The following TIAM1 variants were observed in gnomAD, a reference collection of about 807,000 sequenced individuals.
TIAM1 encodes rho guanine nucleotide exchange factor TIAM1.
In TIAM1, 65 loss-of-function variants were observed where a neutral mutation model predicts 163.5. That is an observed-to-expected ratio of 0.40 (90% confidence interval 0.33 to 0.49). The LOEUF (loss-of-function observed/expected upper bound fraction) is 0.49. TIAM1 is among the 20% of genes least tolerant of loss of function. The pLI is 0.77. For synonymous variants in TIAM1, 833 were observed against 810.1 expected, an observed-to-expected ratio of 1.03 and a Z score of -0.48; for missense variants, 1,789 against 2,044.7, an observed-to-expected ratio of 0.87 and a Z score of 2.41.
At chr21:31,296,470 C>A (rs989662118) in intron 2 of TIAM1, among the ~76,000 whole-genome samples, 1 of 152,100 alleles carries the variant, frequency 6.6e-6, no homozygotes, top group Non-Finnish European at 1.5e-5. Flanking sequence ...GCAGAAATGA[C>A]AAAATACATA....
intron 20 of TIAM1, among the ~76,000 whole-genome samples, chr21:31,143,813 A>G (rs1017215246): frequency 6.7e-6 from 1 of 150,138 alleles, no homozygotes; most frequent in African/African-American, 2.5e-5. Context: ...TGCAACCTCT[A>G]CCTCCCGAGT....
intron 23 of TIAM1, among the ~76,000 whole-genome samples, chr21:31,133,887 G>A (rs1423287938): frequency 6.6e-6 from 1 of 152,150 alleles, no homozygotes; most frequent in Non-Finnish European, 1.5e-5. Context: ...GGCCAACATG[G>A]TGAAACTCCA....
chr21:31,313,075 T>C (rs1175721741), intron 2 of TIAM1, among the ~76,000 whole-genome samples: 1 of 152,206 alleles, frequency 6.6e-6, no homozygotes, highest in Non-Finnish European at 1.5e-5. Flanking sequence ...GTGTCCAATA[T>C]ATTATTTAAT....
intron 2 of TIAM1, among the ~76,000 whole-genome samples, chr21:31,359,332 G>A (rs1447008070): frequency 6.6e-6 from 1 of 152,090 alleles, no homozygotes; most frequent in African/African-American, 2.4e-5. Flanking sequence ...GATCACCAAA[G>A]TATCCCAAGT....
At chr21:31,394,724 TCTCTCA>T (rs1349667306) in intron 2 of TIAM1, among the ~76,000 whole-genome samples, 26 of 128,916 alleles carry the variant, frequency 2.0e-4, no homozygotes, top group Non-Finnish European at 3.4e-4. Flanking sequence ...TCTCTCTCTC[TCTCTCA>T]CACACACACA....
intron 2 of TIAM1, among the ~76,000 whole-genome samples, chr21:31,388,137 A>C (rs1306229316): frequency 6.6e-6 from 1 of 151,790 alleles, no homozygotes; most frequent in African/African-American, 2.4e-5. Context: ...CTGCAAAACA[A>C]CGAGCCAATT....
rs999787213 is a variant in TIAM1, at chr21:31,378,113, G to T, written c.-368-38691C>A. ...GTCATGCCATTGCACTCCAGCCTGG[G>T]TAACAAGAGCGAAACTCTGTCTCAA... On this transcript the variant is annotated intron_variant, in intron 2 of 28. Transcript: ENST00000286827. Among the ~76,000 whole-genome samples, 7 of 134,474 alleles carry T rather than the reference G, an allele frequency of 5.2e-5. No homozygotes were observed. The South Asian group carries it at 9.8e-4, about 19-fold the overall frequency. The allele number at this position is 134,474 out of a possible 152,430, so 88.2% of individuals were successfully genotyped here.
intron 1 of TIAM1, among the ~76,000 whole-genome samples, chr21:31,529,134 T>C (rs1380509115): frequency 6.6e-6 from 1 of 151,838 alleles, no homozygotes; most frequent in Non-Finnish European, 1.5e-5. Flanking sequence ...TTAGCCAGGA[T>C]GGTCTCGATC....
In TIAM1 at chr21:31,212,685, T is replaced by G. The variant is rs1176245817; in HGVS notation, c.2217+713A>C. 3.4e-5 allele frequency: 5 copies of G among 145,410 alleles called. No homozygotes were observed. The Admixed American group carries it at 3.6e-4, about 11-fold the overall frequency. 9.0% of individuals were successfully genotyped at this position (145,410 alleles called of 1,614,324 possible). A position where few individuals can be genotyped will look rare whatever the true frequency, so the allele number is the denominator to read the frequency against. On this transcript the variant is annotated intron_variant, in intron 10 of 27. Coordinates refer to ENST00000541036, the MANE Select transcript of TIAM1 (RefSeq NM_001353694.2). ...TGGAGTGCAGTGGCTCCATCTCTGC[T>G]CACTGCAAGCTCCGCATCCTGGGTT...
At chr21:31,384,401 C>CAA (rs5843516) in intron 2 of TIAM1, among the ~76,000 whole-genome samples, 47,037 of 107,568 alleles carry the variant, frequency 0.44, 9,686 homozygotes, top group Middle Eastern at 0.54. Context: ...CCCATCTCTA[C>CAA]AAAAAAAAAA....
chr21:31,176,513 T>C (rs543097595), intron 15 of TIAM1, among the ~76,000 whole-genome samples: 1 of 152,158 alleles, frequency 6.6e-6, no homozygotes, highest in Non-Finnish European at 1.5e-5. Context: ...AACTGAGTCT[T>C]ACAGAGAACA....
intron 2 of TIAM1, among the ~76,000 whole-genome samples, chr21:31,394,326 G>A (rs2077015317): frequency 6.6e-6 from 1 of 152,172 alleles, no homozygotes; most frequent in South Asian, 2.1e-4. Flanking sequence ...AGTAACAAGA[G>A]CAGTGGCTGC....
chr21:31,210,034 C>T lies in TIAM1; in HGVS notation c.2388+11G>A. The T allele has an allele frequency of 6.2e-7, 1 of 1,609,066 alleles. No homozygotes were observed. Among genetic ancestry groups the T allele is most frequent in the Non-Finnish European group, 8.5e-7 (1 of 1,177,942 alleles). On this transcript the variant is annotated intron_variant, in intron 11 of 27. Coordinates refer to ENST00000541036, the MANE Select transcript of TIAM1 (RefSeq NM_001353694.2). ...CTCTTCTTGGAGAAACAACCCAAAG[C>T]AGCTCCATACCTTGCAAATCAGCTC... is the stretch of plus-strand genomic sequence containing the variant.
chr21:31,160,022 A>G (rs1201377455), intron 16 of TIAM1, among the ~76,000 whole-genome samples: 1 of 152,358 alleles, frequency 6.6e-6, no homozygotes, highest in East Asian at 1.9e-4. Context: ...TCCTATTTCC[A>G]GACCTCCCTG....
chr21:31,210,594 GAGAGAAA>G (rs2086701241), intron 10 of TIAM1, among the ~76,000 whole-genome samples: 4 of 94,650 alleles, frequency 4.2e-5, no homozygotes, highest in African/African-American at 2.5e-4. Flanking sequence ...AAGAAAGAAA[GAGAGAAA>G]GAAGGAAGGA....
intron 1 of TIAM1, among the ~76,000 whole-genome samples, chr21:31,475,241 A>T (rs565596046): frequency 6.6e-5 from 10 of 151,622 alleles, no homozygotes; most frequent in Non-Finnish European, 1.0e-4. Context: ...CTTTGTAGAG[A>T]CAGGGTTTCT....
At chr21:31,376,100 G>A (rs2284504) in intron 2 of TIAM1, among the ~76,000 whole-genome samples, 17,798 of 152,078 alleles carry the variant, frequency 0.12, 1,225 homozygotes, top group Admixed American at 0.22. Context: ...TATGCTTAAG[G>A]GCAAGCATTT....
chr21:31,434,716 A>G (rs1278925154), intron 2 of TIAM1, among the ~76,000 whole-genome samples: 1 of 152,192 alleles, frequency 6.6e-6, no homozygotes, highest in African/African-American at 2.4e-5. Flanking sequence ...TTGAGTCCCA[A>G]ACGCGATAGC....
At chr21:31,291,667 C>A (rs1245063985) in intron 2 of TIAM1, among the ~76,000 whole-genome samples, 1 of 152,244 alleles carries the variant, frequency 6.6e-6, no homozygotes, top group Non-Finnish European at 1.5e-5. Flanking sequence ...GGACTGCAGG[C>A]ATGCGCTACA....
Sources: gnomAD v4.1 joint callset for allele counts (sites outside exome capture counted in the v4.1 genomes callset) on GRCh38, gnomAD v4.1.1 for gene constraint, MANE v1.5 for transcripts, NCBI Gene and HGNC (gene_info 2026-07-23, HGNC 2026-07-21) for gene names.